MYBPC2: variants seen among roughly 807,000 people sequenced by gnomAD.
MYBPC2 encodes the protein myosin binding protein C2.
Under a neutral mutation model 137.0 loss-of-function variants are expected in MYBPC2, and 122 were observed. The observed-to-expected ratio is 0.89, with a 90% CI of 0.77 to 1.03. The LOEUF (loss-of-function observed/expected upper bound fraction) is 1.03. Ranked by LOEUF, MYBPC2 falls within the 50% of genes least tolerant of loss-of-function variation. The probability of loss-of-function intolerance (pLI) is 0.00; values close to 1 mark genes in which losing one functional copy is unlikely to be tolerated. For synonymous variants in MYBPC2, 626 were observed against 612.3 expected (o/e 1.02, Z -0.33); for missense variants, 1,500 against 1,534.4 (o/e 0.98, Z 0.37).
chr19:50,460,684 T>C (rs1322883873), intron 24 of MYBPC2, among the ~76,000 whole-genome samples: 2 of 152,218 alleles, frequency 1.3e-5, no homozygotes, highest in African/African-American at 2.4e-5. Flanking sequence ...GGTGTGTCCA[T>C]GCAGAAATCC....
intron 20 of MYBPC2, 105 bp downstream of exon 20, chr19:50,455,749 G>C (rs1394439716): frequency 1.3e-6 from 2 of 1,481,538 alleles, no homozygotes; most frequent in Non-Finnish European, 1.8e-6. Context: ...GGGTGCAGTG[G>C]CCTGCTTGTG....
At chr19:50,434,377 A>C (rs2039683510) in intron 1 of MYBPC2, among the ~76,000 whole-genome samples, 1 of 152,164 alleles carries the variant, frequency 6.6e-6, no homozygotes, top group Non-Finnish European at 1.5e-5. Flanking sequence ...AAACAAAAAC[A>C]AAAAATAGAT....
In MYBPC2 at chr19:50,458,637, A is replaced by G; in HGVS notation, c.2389A>G (p.Thr797Ala). The G allele has an allele frequency of 6.2e-7, 1 of 1,612,854 alleles. No homozygotes were observed. Among genetic ancestry groups the G allele is most frequent in the Non-Finnish European group, 8.5e-7 (1 of 1,179,890 alleles). The change falls in exon 21 of 28, where the codon ACC becomes GCC. Residue 797 changes from threonine to alanine, a missense_variant. By Grantham distance (58) the Thr-to-Ala change is moderately conservative. Coordinates refer to ENST00000357701, the MANE Select transcript of MYBPC2 (RefSeq NM_004533.4). ...CGAGCCCGTGGAGCGCTGTGGCTTC[A>G]CCGTCAAGAATCTCCCGACCGGAGC... Reference protein sequence around the residue: ...NTEPVERCGFTVKNLPTGARI... With the variant: ...NTEPVERCGFAVKNLPTGARI...
chr19:50,458,322 AAAG>A (rs1159353646), intron 20 of MYBPC2, among the ~76,000 whole-genome samples: 2 of 151,388 alleles, frequency 1.3e-5, no homozygotes, highest in African/African-American at 4.9e-5. Context: ...AAAAAAAAAA[AAAG>A]AATTCGTCCC....
chr19:50,442,153 C>G lies in MYBPC2; in HGVS notation c.770-28C>G, dbSNP rs367654019. On this transcript the variant is annotated intron_variant, in intron 8 of 27. Coordinates refer to ENST00000357701, the MANE Select transcript of MYBPC2 (RefSeq NM_004533.4). The stretch of plus-strand genomic sequence containing the variant: ...CAGGGGAATGAGGACCACACGCCTC[C>G]ATCCCCTTTGCATGCCTCAATCTTC... The G allele has an allele frequency of 7.6e-6, 12 of 1,570,392 alleles. No individual in the cohort carries two copies. The African/African-American group carries it at 1.4e-4, about 18-fold the overall frequency.
At chr19:50,442,648 C>A (rs901814010) in intron 9 of MYBPC2, among the ~76,000 whole-genome samples, 12 of 151,846 alleles carry the variant, frequency 7.9e-5, no homozygotes, top group African/African-American at 1.5e-4. Context: ...TCGCTTGAAC[C>A]CAGGAGGCAA....
At chr19:50,442,755 C>T (rs1187794013) in intron 9 of MYBPC2, among the ~76,000 whole-genome samples, 2 of 151,884 alleles carry the variant, frequency 1.3e-5, no homozygotes, top group African/African-American at 4.8e-5. Context: ...AAACACATCA[C>T]AAGACAACCT....
chr19:50,441,888 A>ATAAAG (rs1254910994), intron 8 of MYBPC2, among the ~76,000 whole-genome samples: 4 of 149,378 alleles, frequency 2.7e-5, no homozygotes, highest in Non-Finnish European at 5.9e-5. Flanking sequence ...ATAAAATAAA[A>ATAAAG]TAAATAAATA....
In MYBPC2 at chr19:50,455,560, A is replaced by T; in HGVS notation, c.2254A>T (p.Thr752Ser). The T allele has an allele frequency of 6.2e-7, 1 of 1,613,672 alleles. No homozygotes were observed. Among genetic ancestry groups the T allele is most frequent in the Non-Finnish European group, 8.5e-7 (1 of 1,179,836 alleles). Residue 752 changes from threonine (T) to serine (S), a missense_variant, in exon 20 of 28, where the codon ACC becomes TCC. Thr to Ser is a moderately conservative substitution (Grantham distance 58). Transcript: ENST00000357701. ...GATAGTGGAGGATGTGACAGACACC[A>T]CCACCACACTCAAGTGGAGGCCTCC... ...HLIVEDVTDT[T>S]TTLKWRPPNR...
At chr19:50,453,594 G>A (rs2039880315) in intron 16 of MYBPC2, among the ~76,000 whole-genome samples, 1 of 151,810 alleles carries the variant, frequency 6.6e-6, no homozygotes, top group African/African-American at 2.4e-5. Context: ...AGGCTGGAGT[G>A]CAGTGGTGTT....
In MYBPC2 at chr19:50,464,437, TC is replaced by T. The variant is rs2039996823; in HGVS notation, c.3322del (p.Arg1108ValfsTer66). On this transcript the variant is annotated frameshift_variant, in exon 27 of 28. Transcript: ENST00000357701. LOFTEE classifies it high-confidence loss of function. ...TACCAAGGAGTCCTGACGCTGAACA[TC>T]CGTCGCCCCTCGCCCTTCGACGCTG... ...TNYQGVLTLN[I>X]RRPSPFDAGT... 1 of 1,611,732 alleles carries T rather than the reference TC, an allele frequency of 6.2e-7. No individual in the cohort carries two copies. Among genetic ancestry groups the T allele is most frequent in the African/African-American group, 1.3e-5 (1 of 74,884 alleles).
chr19:50,453,861 G>A (rs537429956), intron 16 of MYBPC2, among the ~76,000 whole-genome samples, 159 bp from the exon 17 acceptor site: 16 of 152,190 alleles, frequency 1.1e-4, no homozygotes, highest in African/African-American at 3.9e-4. Context: ...TTTTAATGAA[G>A]GACGGCATTT....
chr19:50,445,879 G>A lies in MYBPC2; in HGVS notation c.1134-1G>A, dbSNP rs769079006. 1.2e-6 allele frequency: 2 copies of A among 1,603,554 alleles called. No homozygotes were observed. The highest frequency in any genetic ancestry group is 1.7e-6 in the Non-Finnish European group (2 of 1,175,086). On this transcript the variant is annotated splice_acceptor_variant, in intron 11 of 27. Transcript: ENST00000357701. LOFTEE classifies it high-confidence loss of function. The stretch of plus-strand genomic sequence containing the variant: ...TCCCGTTCTGTGTCTCACCCACCTA[G>A]GATGAAAGATGGTGTGGAACTGACT...
intron 7 of MYBPC2, among the ~76,000 whole-genome samples, chr19:50,438,444 C>T (rs532384338): frequency 2.6e-5 from 4 of 151,956 alleles, no homozygotes; most frequent in Admixed American, 1.3e-4. Context: ...GGTGGGTGGA[C>T]GATGAATGGA....
chr19:50,444,957 AGTG>A (rs1249489029), intron 11 of MYBPC2, among the ~76,000 whole-genome samples: 3 of 151,060 alleles, frequency 2.0e-5, no homozygotes, highest in East Asian at 3.9e-4. Context: ...ATTTGGTGAT[AGTG>A]GTGGTGGTGG....
intron 9 of MYBPC2, among the ~76,000 whole-genome samples, chr19:50,442,714 A>C (rs1200547028): frequency 6.6e-6 from 1 of 152,054 alleles, no homozygotes; most frequent in African/African-American, 2.4e-5. Flanking sequence ...CCTGGGCGAC[A>C]GAGTGAGACC....
At chr19:50,440,323 A>AAAATAAAATAAAATAAAT (rs140643143) in intron 7 of MYBPC2, among the ~76,000 whole-genome samples, 4 of 139,040 alleles carry the variant, frequency 2.9e-5, no homozygotes, top group Admixed American at 7.4e-5. Flanking sequence ...CTGTGGAAAT[A>AAAATAAAATAAAATAAAT]AAATAAATAA....
At position 50,461,963 on chromosome 19, in the gene MYBPC2, CACCTCTCATAG is replaced by C. The variant is rs2039976048; in HGVS notation, c.3159_3169del (p.Leu1054ArgfsTer33). On this transcript the variant is annotated frameshift_variant, in exon 26 of 28. Transcript: ENST00000357701. LOFTEE classifies it high-confidence loss of function. ...TTCCGGATGGCTCCCAAGTTCCTGA[CACCTCTCATAG>C]ACCGCGTGGTCGTGGCTGGGTACTC... 6.3e-7 allele frequency: 1 copy of C among 1,587,190 alleles called. No individual in the cohort carries two copies. The highest frequency in any genetic ancestry group is 1.3e-5 in the African/African-American group (1 of 74,350).
In MYBPC2 at chr19:50,448,356, C is replaced by T. The variant is rs754976911; in HGVS notation, c.1438C>T (p.Pro480Ser). The T allele has an allele frequency of 6.2e-7, 1 of 1,613,646 alleles. No homozygotes were observed. Among genetic ancestry groups the T allele is most frequent in the Non-Finnish European group, 8.5e-7 (1 of 1,179,750 alleles). Residue 480 changes from proline (P) to serine (S), a missense_variant, in exon 13 of 28, where the codon CCC becomes TCC. By Grantham distance (74) the Pro-to-Ser change is moderately conservative (BLOSUM62 -1). Coordinates refer to ENST00000357701, the MANE Select transcript of MYBPC2 (RefSeq NM_004533.4). ...KWYKNGVEVRPSKRITISHVG... is the reference protein window; with the variant it reads ...KWYKNGVEVRSSKRITISHVG... ...GTATAAGAATGGGGTCGAGGTGCGGCCCAGCAAGAGGATCACCATTTCCCA... is the reference window on the plus strand; with the variant it reads ...GTATAAGAATGGGGTCGAGGTGCGGTCCAGCAAGAGGATCACCATTTCCCA...
Sources: gnomAD v4.1 joint callset for allele counts (sites outside exome capture counted in the v4.1 genomes callset) on GRCh38, gnomAD v4.1.1 for gene constraint, MANE v1.5 for transcripts, NCBI Gene and HGNC (gene_info 2026-07-23, HGNC 2026-07-21) for gene names.